The following SLC27A2 variants were observed in gnomAD, a reference collection of about 807,000 sequenced individuals.
SLC27A2 encodes long-chain fatty acid transport protein 2.
In SLC27A2, 54 loss-of-function variants were observed where a neutral mutation model predicts 60.0. The observed-to-expected ratio is 0.90, with a 90% CI of 0.72 to 1.13. The LOEUF (loss-of-function observed/expected upper bound fraction) is 1.13, where lower values mean the gene tolerates loss of function less well. Ranked by LOEUF, SLC27A2 falls within the 50% of genes most tolerant of loss-of-function variation. The pLI is 0.00. For synonymous variants in SLC27A2, 297 were observed against 297.6 expected, an observed-to-expected ratio of 1.00 and a Z score of 0.02; for missense variants, 739 against 777.6, an observed-to-expected ratio of 0.95 and a Z score of 0.59.
At chr15:50,193,100 C>T (rs1249580642) in intron 1 of SLC27A2, among the ~76,000 whole-genome samples, 2 of 152,188 alleles carry the variant, frequency 1.3e-5, no homozygotes, top group South Asian at 2.1e-4. Flanking sequence ...CCCCAGGCTG[C>T]GTTGGCTCTG....
chr15:50,193,229 G>A (rs369499829), intron 1 of SLC27A2, among the ~76,000 whole-genome samples: 33 of 152,280 alleles, frequency 2.2e-4, no homozygotes, highest in South Asian at 1.2e-3. Context: ...CTTCTAGGTC[G>A]TCTTTCTGCC....
chr15:50,183,994 C>CTTTTTTTTTTTTTTTTTTTTTT (rs577766814), intron 1 of SLC27A2, among the ~76,000 whole-genome samples: 7 of 91,168 alleles, frequency 7.7e-5, no homozygotes, highest in Admixed American at 1.6e-4. Context: ...TTTCCTACAT[C>CTTTTTTTTTTTTTTTTTTTTTT]TTTTTTTTTT....
At chr15:50,214,687 AC>A (rs1224048540) in intron 4 of SLC27A2, among the ~76,000 whole-genome samples, 1 of 152,190 alleles carries the variant, frequency 6.6e-6, no homozygotes, top group Non-Finnish European at 1.5e-5. Flanking sequence ...TAAATGTGAT[AC>A]AACACATAAA....
chr15:50,214,483 C>A (rs1012201872), intron 4 of SLC27A2, among the ~76,000 whole-genome samples: 1 of 151,948 alleles, frequency 6.6e-6, no homozygotes, highest in Non-Finnish European at 1.5e-5. Flanking sequence ...GCCAGAATCA[C>A]CCTAATACCA....
chr15:50,234,847 C>T (rs2045339867), intron 9 of SLC27A2, among the ~76,000 whole-genome samples: 1 of 152,192 alleles, frequency 6.6e-6, no homozygotes, highest in Non-Finnish European at 1.5e-5. Context: ...CAGCAAGAGA[C>T]TTAGCACATA....
chr15:50,212,144 AT>A (rs1333212883), intron 4 of SLC27A2, among the ~76,000 whole-genome samples: 2 of 151,910 alleles, frequency 1.3e-5, no homozygotes, highest in Admixed American at 6.6e-5. Context: ...ACTTTTAGAA[AT>A]GCTAAATGCT....
chr15:50,202,638 T>G lies in SLC27A2; in HGVS notation c.840T>G (p.Ile280Met). 6.2e-7 allele frequency: 1 copy of G among 1,612,178 alleles called. No individual in the cohort carries two copies. The highest frequency in any genetic ancestry group is 8.5e-7 in the Non-Finnish European group (1 of 1,178,360). Reference sequence around the variant, plus strand: ...TACTGATTGGCATTCACGGATGTATTGTGGCTGGTAAGCTTTTTCTACAAA... The same window carrying G: ...TACTGATTGGCATTCACGGATGTATGGTGGCTGGTAAGCTTTTTCTACAAA... Reference protein sequence around the residue: ...AALLIGIHGCIVAGATLALRT... With the variant: ...AALLIGIHGCMVAGATLALRT... Residue 280 changes from isoleucine to methionine, a missense_variant, in exon 3 of 10, where the codon ATT (isoleucine) becomes ATG (methionine). Coordinates refer to ENST00000267842, the MANE Select transcript of SLC27A2 (RefSeq NM_003645.4).
intron 4 of SLC27A2, among the ~76,000 whole-genome samples, chr15:50,210,410 T>C (rs186558221): frequency 2.3e-4 from 35 of 152,290 alleles, no homozygotes; most frequent in African/African-American, 7.2e-4. Flanking sequence ...TTCCCGACTT[T>C]ACCTGGAGCC....
At chr15:50,233,769 A>T (rs930128679) in intron 8 of SLC27A2, 99 bp from the exon 9 acceptor site, 1 of 1,077,036 alleles carries the variant, frequency 9.3e-7, no homozygotes, top group African/African-American at 1.6e-5. Flanking sequence ...TCCAAATGAA[A>T]CCCATGCTAT....
Position 50,233,973 on chromosome 15 carries a change from C to A in SLC27A2, c.1661C>A (p.Ala554Glu), listed in dbSNP as rs766608933. Residue 554 changes from alanine (A) to glutamate (E), a missense_variant, in exon 9 of 10, where the codon GCA becomes GAA. Ala to Glu is a moderately radical substitution (Grantham distance 107). Coordinates refer to ENST00000267842, the MANE Select transcript of SLC27A2 (RefSeq NM_003645.4). ...QHIADYLPSY[A>E]RPRFLRIQDT... ...ATTGCTGATTACCTACCTAGTTATG[C>A]AAGGCCCCGGTTTCTAAGAATACAG... 2.5e-6 allele frequency: 4 copies of A among 1,612,614 alleles called. No individual in the cohort carries two copies. The East Asian group carries it at 8.9e-5, about 36-fold the overall frequency.
At chr15:50,185,287 A>G (rs1413904792) in intron 1 of SLC27A2, among the ~76,000 whole-genome samples, 2 of 152,212 alleles carry the variant, frequency 1.3e-5, no homozygotes, top group Non-Finnish European at 2.9e-5. Context: ...TCAAACGTGA[A>G]CCAGACTTTA....
rs570972545 is a variant in SLC27A2 at position 50,224,282 on chromosome 15, T to TA, written c.1167+1131dup. 9.9e-5 allele frequency among the ~76,000 whole-genome samples: 15 copies of TA among 151,470 alleles called. No homozygotes were observed. The East Asian group carries it at 2.5e-3, about 26-fold the overall frequency. On this transcript the variant is annotated intron_variant, in intron 5 of 9. Coordinates refer to ENST00000267842, the MANE Select transcript of SLC27A2 (RefSeq NM_003645.4). ...GGTGAAACCCCGTCTCTACTAAAAATAAAAAAAATTAGCCGGGCATGGTGG... is the reference window on the plus strand; with the variant it reads ...GGTGAAACCCCGTCTCTACTAAAAATAAAAAAAAATTAGCCGGGCATGGTGG...
At chr15:50,210,870 C>G (rs547184558) in intron 4 of SLC27A2, among the ~76,000 whole-genome samples, 1 of 152,160 alleles carries the variant, frequency 6.6e-6, no homozygotes, top group African/African-American at 2.4e-5. Flanking sequence ...AACTTTCCCC[C>G]ACTTCCCTGA....
intron 4 of SLC27A2, among the ~76,000 whole-genome samples, chr15:50,216,764 A>T (rs985087126): frequency 3.4e-5 from 5 of 145,112 alleles, no homozygotes; most frequent in African/African-American, 7.5e-5. Context: ...ATATATATAT[A>T]TTCCATAAAA....
intron 4 of SLC27A2, among the ~76,000 whole-genome samples, chr15:50,213,372 C>T (rs1017812371): frequency 6.6e-6 from 1 of 152,104 alleles, no homozygotes; most frequent in African/African-American, 2.4e-5. Context: ...CTTCAATACT[C>T]CACTGACAGC....
chr15:50,232,154 A>G (rs538047983), intron 8 of SLC27A2, among the ~76,000 whole-genome samples: 1 of 152,320 alleles, frequency 6.6e-6, no homozygotes, highest in African/African-American at 2.4e-5. Context: ...TCATTCCACT[A>G]TGGGTGATTC....
intron 4 of SLC27A2, among the ~76,000 whole-genome samples, chr15:50,218,328 A>T (rs2045217729): frequency 6.6e-6 from 1 of 152,160 alleles, no homozygotes; most frequent in Admixed American, 6.5e-5. Flanking sequence ...AAAATTAGAG[A>T]CTAATCAAAG....
chr15:50,222,999 C>T lies in SLC27A2; in HGVS notation c.1007C>T (p.Ala336Val), dbSNP rs557098198. The change falls in exon 5 of 10, where the codon GCA (alanine) becomes GTA (valine). Residue 336 changes from alanine (A) to valine (V), a missense_variant. Transcript: ENST00000267842. Reference protein sequence around the residue: ...PNDRDHKVRLALGNGLRGDVW... With the variant: ...PNDRDHKVRLVLGNGLRGDVW... ...GACCGTGATCATAAAGTGAGACTGG[C>T]ACTGGGAAATGGCTTACGAGGAGAT... is the stretch of plus-strand genomic sequence containing the variant. 1.2e-6 allele frequency: 2 copies of T among 1,612,860 alleles called. No individual in the cohort carries two copies. Among genetic ancestry groups the T allele is most frequent in the African/African-American group, 1.3e-5 (1 of 74,972 alleles).
At chr15:50,203,200 T>A (rs185486774) in intron 3 of SLC27A2, among the ~76,000 whole-genome samples, 10 of 151,310 alleles carry the variant, frequency 6.6e-5, no homozygotes, top group African/African-American at 1.2e-4. Context: ...AAAAAAAAAA[T>A]TTTAGGTTAT....
Sources: gnomAD v4.1 joint callset for allele counts (sites outside exome capture counted in the v4.1 genomes callset) on GRCh38, gnomAD v4.1.1 for gene constraint, MANE v1.5 for transcripts, NCBI Gene and HGNC (gene_info 2026-07-23, HGNC 2026-07-21) for gene names.